The following PCDHA10 variants were observed in gnomAD, a reference collection of about 807,000 sequenced individuals.
PCDHA10 encodes protocadherin alpha-10.
PCDHA10 carries 45 observed loss-of-function variants against 61.2 expected under a neutral mutation model. The ratio of observed to expected loss-of-function variants is 0.74; its 90% CI spans 0.58 to 0.94. The LOEUF is 0.94. Among genes scored for constraint, PCDHA10 ranks in the 40% least tolerant of loss-of-function variants. PCDHA10 has a pLI of 0.00. For missense variants in PCDHA10, 1,278 were observed against 1,236.2 expected, an observed-to-expected ratio of 1.03 and a Z score of -0.51; for synonymous variants, 602 against 548.8, an observed-to-expected ratio of 1.10 and a Z score of -1.35.
At chr5:140,875,271 C>A (rs1256076154) in intron 1 of PCDHA10, 2 of 1,256,362 alleles carry the variant, frequency 1.6e-6, no homozygotes, top group Non-Finnish European at 2.1e-6. Flanking sequence ...GCTCTACACT[C>A]AGAAGGTGAA....
At chr5:140,876,775 C>A (rs373638459) in intron 1 of PCDHA10, 3 of 1,614,130 alleles carry the variant, frequency 1.9e-6, no homozygotes, top group Non-Finnish European at 1.7e-6. Flanking sequence ...CTCGCCTTCG[C>A]TGTGGGCCAC....
At chr5:140,902,560 G>T (rs558432897) in intron 1 of PCDHA10, among the ~76,000 whole-genome samples, 9 of 152,072 alleles carry the variant, frequency 5.9e-5, no homozygotes, top group Non-Finnish European at 1.2e-4. Flanking sequence ...CCAGATTTTT[G>T]AGGGTTTTTA....
chr5:141,004,094 G>C (rs962663466), intron 3 of PCDHA10, among the ~76,000 whole-genome samples: 1 of 152,194 alleles, frequency 6.6e-6, no homozygotes, highest in African/African-American at 2.4e-5. Flanking sequence ...TGCTTCTTCC[G>C]TTTTCATCTT....
At chr5:140,864,213 C>T (rs1389443344) in intron 1 of PCDHA10, 1 of 152,256 alleles carries the variant, frequency 6.6e-6, no homozygotes, top group East Asian at 1.9e-4. Context: ...CAAATCTTCT[C>T]AATTTTGAAG....
intron 1 of PCDHA10, chr5:140,866,098 T>C (rs555628749): frequency 6.6e-6 from 1 of 152,318 alleles, no homozygotes; most frequent in African/African-American, 2.4e-5. Context: ...AATTGTTAAG[T>C]AATTAAGAGT....
chr5:140,996,737 T>G (rs887382236), intron 3 of PCDHA10, among the ~76,000 whole-genome samples: 3 of 152,166 alleles, frequency 2.0e-5, no homozygotes, highest in Non-Finnish European at 2.9e-5. Context: ...ACAAAAGTCA[T>G]AACAAATTAT....
intron 1 of PCDHA10, among the ~76,000 whole-genome samples, chr5:140,934,564 A>T (rs2089922231): frequency 6.6e-6 from 1 of 152,076 alleles, no homozygotes; most frequent in African/African-American, 2.4e-5. Flanking sequence ...TCTTTTTTTT[A>T]ATTAATTGTA....
chr5:140,944,097 A>G lies in PCDHA10; in HGVS notation c.2389-34852A>G, dbSNP rs2093609741. On this transcript the variant is annotated intron_variant, in intron 1 of 3. Coordinates refer to ENST00000307360, the MANE Select transcript of PCDHA10 (RefSeq NM_018901.4). ...ATAAAGGAGGCCTGAGTAAGTTTAT[A>G]TCTCATGGGAAAATGGTACCAGAGA... is the stretch of plus-strand genomic sequence containing the variant. Among the ~76,000 whole-genome samples, 3 of 152,244 alleles carry G rather than the reference A, an allele frequency of 2.0e-5. No individual in the cohort carries two copies. In the South Asian group the frequency reaches 6.2e-4, roughly 31 times the overall value.
intron 1 of PCDHA10, among the ~76,000 whole-genome samples, chr5:140,939,338 G>A (rs2092369072): frequency 6.6e-6 from 1 of 152,116 alleles, no homozygotes; most frequent in South Asian, 2.1e-4. Context: ...TTAGGGGTTA[G>A]CATTTCAACT....
Position 140,934,368 on chromosome 5 carries a change from CCTT to C in PCDHA10, c.2389-44578_2389-44576del, listed in dbSNP as rs1168343483. Among the ~76,000 whole-genome samples, 5 of 152,220 alleles carry C rather than the reference CCTT, an allele frequency of 3.3e-5. No homozygotes were observed. In the South Asian group the frequency reaches 1.0e-3, roughly 32 times the overall value. On this transcript the variant is annotated intron_variant, in intron 1 of 3. Transcript: ENST00000307360. ...ACAGTGTGGAGCCACTGCTTTGACT[CCTT>C]CTGTGGTTCTATGGTGGCCAGCTTT...
intron 1 of PCDHA10, among the ~76,000 whole-genome samples, chr5:140,903,073 T>C (rs1181656778): frequency 6.6e-6 from 1 of 152,196 alleles, no homozygotes; most frequent in Admixed American, 6.5e-5. Context: ...TTTGGGTAGA[T>C]ACCTGATAGT....
At chr5:140,993,137 A>G (rs1336525759) in intron 3 of PCDHA10, among the ~76,000 whole-genome samples, 12 of 152,212 alleles carry the variant, frequency 7.9e-5, no homozygotes, top group African/African-American at 2.7e-4. Flanking sequence ...CTGTTGCAAC[A>G]AGTATAAATG....
At chr5:140,883,781 T>C (rs1156481556) in intron 1 of PCDHA10, 1 of 1,612,432 alleles carries the variant, frequency 6.2e-7, no homozygotes, top group Non-Finnish European at 8.5e-7. Flanking sequence ...GCGTGCGCTG[T>C]CGAGCTACGT....
rs1554213921 is a variant in PCDHA10 at position 140,941,202 on chromosome 5, C to CTTTCTTTCTTTCTTTCTTT, written c.2389-37747_2389-37746insTTTCTTTCTTTCTTTCTTT. ...TCCTGCTTCTTTTTTTTTCTTTCTT[C>CTTTCTTTCTTTCTTTCTTT]CTTTCTTTCTTCCTTTCTTTCTTTC... On this transcript the variant is annotated intron_variant, in intron 1 of 3. Coordinates refer to ENST00000307360, the MANE Select transcript of PCDHA10 (RefSeq NM_018901.4). Among the ~76,000 whole-genome samples the CTTTCTTTCTTTCTTTCTTT allele has an allele frequency of 8.2e-4, 101 of 122,784 alleles. 3 individuals carry two copies. Among genetic ancestry groups the CTTTCTTTCTTTCTTTCTTT allele is most frequent in the East Asian group, 3.5e-3 (16 of 4,514 alleles). The allele number at this position is 122,784 out of a possible 152,430, so 80.6% of individuals were successfully genotyped here. A position where few individuals can be genotyped will look rare whatever the true frequency, so the allele number is the denominator to read the frequency against.
intron 1 of PCDHA10, among the ~76,000 whole-genome samples, chr5:140,917,823 G>A (rs1167187844): frequency 6.6e-5 from 10 of 151,920 alleles, no homozygotes; most frequent in African/African-American, 1.9e-4. Context: ...AAGTTGGGTA[G>A]TGTGATGTCC....
At chr5:140,881,719 C>A (rs914788204) in intron 1 of PCDHA10, among the ~76,000 whole-genome samples, 3 of 152,104 alleles carry the variant, frequency 2.0e-5, no homozygotes, top group African/African-American at 7.2e-5. Context: ...GTGAGGAGGT[C>A]TTGAAAAATA....
chr5:140,992,584 T>G (rs1327367703), intron 3 of PCDHA10, among the ~76,000 whole-genome samples: 1 of 152,194 alleles, frequency 6.6e-6, no homozygotes, highest in Non-Finnish European at 1.5e-5. Context: ...CTGCCTTGTA[T>G]GCATCTAGCG....
chr5:140,967,026 C>G, intron 1 of PCDHA10: 2 of 1,608,434 alleles, frequency 1.2e-6, no homozygotes, highest in East Asian at 4.5e-5. Flanking sequence ...GCGCCCAGTC[C>G]GCGCTACCTG....
intron 1 of PCDHA10, among the ~76,000 whole-genome samples, chr5:140,878,611 T>A (rs1167613009): frequency 2.0e-5 from 3 of 152,236 alleles, no homozygotes; most frequent in Non-Finnish European, 4.4e-5. Context: ...TCTTCTAATG[T>A]GCATTTTACA....
Sources: gnomAD v4.1 joint callset for allele counts (sites outside exome capture counted in the v4.1 genomes callset) on GRCh38, gnomAD v4.1.1 for gene constraint, MANE v1.5 for transcripts, NCBI Gene and HGNC (gene_info 2026-07-23, HGNC 2026-07-21) for gene names.